Variants in PLPPR4 observed in about 807,000 individuals in gnomAD.
PLPPR4 encodes the protein phospholipid phosphatase-related protein type 4.
PLPPR4 carries 24 observed loss-of-function variants against 56.6 expected under a neutral mutation model. That is an observed-to-expected ratio of 0.42 (90% CI 0.31 to 0.60). The LOEUF (loss-of-function observed/expected upper bound fraction) is 0.60, where lower values mean the gene tolerates loss of function less well. PLPPR4 is among the 20% of genes least tolerant of loss of function. The pLI, the probability that PLPPR4 is intolerant of heterozygous loss-of-function variation, is 0.13. For synonymous variants in PLPPR4, 326 were observed against 328.1 expected, an observed-to-expected ratio of 0.99 and a Z score of 0.07; for missense variants, 654 against 885.8, an observed-to-expected ratio of 0.74 and a Z score of 3.32.
At chr1:99,297,229 G>A (rs819909) in intron 3 of PLPPR4, among the ~76,000 whole-genome samples, 88,581 of 151,994 alleles carry the variant, frequency 0.58, 26,639 homozygotes, top group African/African-American at 0.73. Flanking sequence ...AACTCTTCAG[G>A]AATTACTTTA....
chr1:99,284,143 C>T (rs1659406022), intron 1 of PLPPR4, among the ~76,000 whole-genome samples: 1 of 152,114 alleles, frequency 6.6e-6, no homozygotes, highest in Non-Finnish European at 1.5e-5. Flanking sequence ...CATATCAATT[C>T]TATATGTATG....
intron 1 of PLPPR4, among the ~76,000 whole-genome samples, chr1:99,278,936 A>G (rs1659257020): frequency 6.6e-6 from 1 of 152,146 alleles, no homozygotes; most frequent in Non-Finnish European, 1.5e-5. Context: ...AAGTTTCTTG[A>G]TTTGTTAATG....
At chr1:99,279,133 T>A (rs6701857) in intron 1 of PLPPR4, among the ~76,000 whole-genome samples, 1 of 152,108 alleles carries the variant, frequency 6.6e-6, no homozygotes, top group Non-Finnish European at 1.5e-5. Flanking sequence ...ACACCTAGTA[T>A]GTCAGGGATA....
In PLPPR4 at chr1:99,269,039, C is replaced by A. The variant is rs570001323; in HGVS notation, c.78+4368C>A. On this transcript the variant is annotated intron_variant, in intron 1 of 6. Transcript: ENST00000370185. Reference sequence around the variant, plus strand: ...TTTGCTGCACCCATCAACCTGCCACCTATATTAGGTATTTCTCCTAATACT... The same window carrying A: ...TTTGCTGCACCCATCAACCTGCCACATATATTAGGTATTTCTCCTAATACT... 2.0e-5 allele frequency among the ~76,000 whole-genome samples: 3 copies of A among 152,264 alleles called. No individual in the cohort carries two copies. In the East Asian group the frequency reaches 5.8e-4, roughly 29 times the overall value.
In PLPPR4 at chr1:99,296,806, C is replaced by T. The variant is rs1290676177; in HGVS notation, c.333C>T (p.Pro111=). The part of the protein sequence containing the change: ...SKRRNGVGLE[P]NINAGGCNFN... ...GAAGAAATGGGGTCGGACTAGAGCC[C>T]AACATTAATGCTGGAGGCTGCAACT... The change falls in exon 3 of 7, where the codon CCC becomes CCT. Residue 111 remains proline, a synonymous_variant. Transcript: ENST00000370185. 1 of 1,604,622 alleles carries T rather than the reference C, an allele frequency of 6.2e-7. No homozygotes were observed. Among genetic ancestry groups the T allele is most frequent in the African/African-American group, 1.3e-5 (1 of 74,720 alleles).
intron 1 of PLPPR4, among the ~76,000 whole-genome samples, chr1:99,283,066 T>C (rs954224443): frequency 2.0e-5 from 3 of 151,298 alleles, no homozygotes; most frequent in Admixed American, 6.6e-5. Flanking sequence ...TGGGAACAGA[T>C]ATTTTGTTTT....
At position 99,295,284 on chromosome 1, in the gene PLPPR4, A is replaced by G. The variant is rs569248950; in HGVS notation, c.265-1454A>G. Reference sequence around the variant, plus strand: ...TACAAAGTAAGATTCTCTATAATTAAACATGTACCATATTCCCTACAGAAG... The same window carrying G: ...TACAAAGTAAGATTCTCTATAATTAGACATGTACCATATTCCCTACAGAAG... On this transcript the variant is annotated intron_variant, in intron 2 of 6. Coordinates refer to ENST00000370185, the MANE Select transcript of PLPPR4 (RefSeq NM_014839.5). Among the ~76,000 whole-genome samples, 431 of 152,330 alleles carry G rather than the reference A, an allele frequency of 2.8e-3. 2 individuals are homozygous for G. The highest frequency in any genetic ancestry group is 0.01 in the African/African-American group (418 of 41,580).
At position 99,306,907 on chromosome 1, in the gene PLPPR4, G is replaced by A. The variant is rs781070333; in HGVS notation, c.2045G>A (p.Arg682Lys). 10 of 1,614,126 alleles carry A rather than the reference G, an allele frequency of 6.2e-6. 1 individual carries two copies. The South Asian group carries it at 1.1e-4, about 18-fold the overall frequency. ...ISSSRDSTLRRKGNIILIPER... is the reference protein window; with the variant it reads ...ISSSRDSTLRKKGNIILIPER... ...TCTTCCCGCGACTCCACCCTGCGGA[G>A]AAAGGGCAATATCATTCTAATCCCT... is the stretch of plus-strand genomic sequence containing the variant. Residue 682 changes from arginine (R) to lysine (K), a missense_variant, in exon 7 of 7, where the codon AGA (arginine) becomes AAA (lysine). This residue lies in a region of PLPPR4 where 468 missense variants were observed against 554.3 expected (regional missense o/e 0.84). Coordinates refer to ENST00000370185, the MANE Select transcript of PLPPR4 (RefSeq NM_014839.5). This position sits in a 1 kb window ranked among gnomAD's most constrained non-coding sequence, Gnocchi z 4.0.
chr1:99,296,242 T>C (rs765999788), intron 2 of PLPPR4, among the ~76,000 whole-genome samples: 11 of 152,232 alleles, frequency 7.2e-5, no homozygotes, highest in Non-Finnish European at 1.6e-4. Context: ...ATTTAATTTT[T>C]AAATAATTAA....
intron 1 of PLPPR4, among the ~76,000 whole-genome samples, chr1:99,283,286 T>C (rs1659376383): frequency 6.6e-6 from 1 of 152,164 alleles, no homozygotes; most frequent in African/African-American, 2.4e-5. Flanking sequence ...TGATCTGTAT[T>C]GCCCTAGGCT....
At chr1:99,287,344 A>G (rs146651091) in intron 1 of PLPPR4, among the ~76,000 whole-genome samples, 2 of 152,330 alleles carry the variant, frequency 1.3e-5, no homozygotes, top group African/African-American at 2.4e-5. Flanking sequence ...CAGTGCTGCA[A>G]TAAACATGCA....
chr1:99,294,074 A>C (rs1380499736), intron 2 of PLPPR4, among the ~76,000 whole-genome samples: 2 of 149,676 alleles, frequency 1.3e-5, no homozygotes, highest in Non-Finnish European at 1.5e-5. Flanking sequence ...CTGACACCAT[A>C]CCTCAGTACA....
intron 2 of PLPPR4, among the ~76,000 whole-genome samples, chr1:99,289,782 G>C (rs1327744066): frequency 6.6e-6 from 1 of 152,042 alleles, no homozygotes; most frequent in Non-Finnish European, 1.5e-5. Context: ...ACTAGGTATT[G>C]AGGGAACATA....
chr1:99,273,637 A>T (rs1385571182), intron 1 of PLPPR4, among the ~76,000 whole-genome samples: 1 of 152,016 alleles, frequency 6.6e-6, no homozygotes, highest in Admixed American at 6.6e-5. Context: ...CCTGTTTTGT[A>T]CTCTTACAAC....
chr1:99,265,138 G>T (rs949101689), intron 1 of PLPPR4, among the ~76,000 whole-genome samples: 7 of 65,030 alleles, frequency 1.1e-4, no homozygotes, highest in Non-Finnish European at 1.6e-4. Context: ...TGCTTTTATT[G>T]CTCCTGCCCC....
At chr1:99,266,848 CA>C (rs1370418036) in intron 1 of PLPPR4, among the ~76,000 whole-genome samples, 1 of 152,218 alleles carries the variant, frequency 6.6e-6, no homozygotes, top group Non-Finnish European at 1.5e-5. Context: ...TGACCACATG[CA>C]CTATCACGCT....
rs944644308 is a variant in PLPPR4 at position 99,306,752 on chromosome 1, C to T, written c.1890C>T (p.Asp630=). The T allele has an allele frequency of 1.7e-5, 28 of 1,613,930 alleles. No individual in the cohort carries two copies. The highest frequency in any genetic ancestry group is 2.2e-5 in the Non-Finnish European group (26 of 1,180,002). ...RDSESCESLK[D]SFGSGDRKRS... ...CAGAAAGCTGTGAGTCTCTGAAAGACAGCTTTGGTTCTGGAGATCGCAAGA... is the reference window on the plus strand; with the variant it reads ...CAGAAAGCTGTGAGTCTCTGAAAGATAGCTTTGGTTCTGGAGATCGCAAGA... The change falls in exon 7 of 7, where the codon GAC becomes GAT. Residue 630 remains aspartate, a synonymous_variant. Coordinates refer to ENST00000370185, the MANE Select transcript of PLPPR4 (RefSeq NM_014839.5). The surrounding 1 kb of genome is among the most constrained non-coding windows in gnomAD (Gnocchi z 4.0).
upstream of PLPPR4, chr1:99,264,435 A>AG: frequency 1.4e-6 from 2 of 1,467,526 alleles, no homozygotes; most frequent in Non-Finnish European, 1.8e-6. Flanking sequence ...GGCGGGGAGA[A>AG]GGCGGGGGCG....
In PLPPR4 at chr1:99,296,842, C is replaced by T; in HGVS notation, c.369C>T (p.Phe123=). ...INAGGCNFNS[F]LRRAVRFVGV... ...CTGGAGGCTGCAACTTCAATTCCTT[C>T]CTCAGACGAGCTGTCAGATTCGTTG... Residue 123 remains phenylalanine (F), a synonymous_variant, in exon 3 of 7, where the codon TTC becomes TTT. Transcript: ENST00000370185. 1 of 1,587,100 alleles carries T rather than the reference C, an allele frequency of 6.3e-7. No individual in the cohort carries two copies. The highest frequency in any genetic ancestry group is 8.6e-7 in the Non-Finnish European group (1 of 1,162,488).
Sources: gnomAD v4.1 joint callset for allele counts (sites outside exome capture counted in the v4.1 genomes callset) on GRCh38, gnomAD v4.1.1 for gene constraint, gnomAD v4.1.1 regional missense constraint, Gnocchi (gnomAD v3.1) non-coding constraint, MANE v1.5 for transcripts, NCBI Gene and HGNC (gene_info 2026-07-23, HGNC 2026-07-21) for gene names.